Variants in SOS1 observed in about 807,000 individuals in gnomAD.
The protein encoded by SOS1 is son of sevenless homolog 1.
Under a neutral mutation model 157.6 loss-of-function variants are expected in SOS1, and 25 were observed. The observed-to-expected ratio is 0.16, with a 90% CI of 0.12 to 0.22. The LOEUF is 0.22. SOS1 is among the 10% of genes least tolerant of loss of function. The pLI, the probability that SOS1 is intolerant of heterozygous loss-of-function variation, is 1.00. For missense variants in SOS1, 1,237 were observed against 1,599.1 expected (o/e 0.77, Z 3.86); for synonymous variants, 528 against 534.0 (o/e 0.99, Z 0.16).
At chr2:38,989,235 G>T (rs780131132) in intron 21 of SOS1, 35 bp downstream of exon 21, 5 of 1,474,546 alleles carry the variant, frequency 3.4e-6, no homozygotes, top group Non-Finnish European at 4.7e-6. Context: ...TAAAGCCAAA[G>T]CAAGAATTAT....
chr2:39,068,249 C>G (rs1477569932), intron 1 of SOS1, among the ~76,000 whole-genome samples: 1 of 152,176 alleles, frequency 6.6e-6, no homozygotes, highest in East Asian at 1.9e-4. Flanking sequence ...TCCTGGAGAT[C>G]CAGTTTACCT....
At chr2:39,100,487 G>T (rs959322571) in intron 1 of SOS1, among the ~76,000 whole-genome samples, 3 of 152,162 alleles carry the variant, frequency 2.0e-5, no homozygotes, top group Non-Finnish European at 4.4e-5. Context: ...CTTAAAAAAT[G>T]AGATACTGCC....
chr2:39,046,872 C>G (rs1476848302), intron 6 of SOS1, among the ~76,000 whole-genome samples: 2 of 152,160 alleles, frequency 1.3e-5, no homozygotes, highest in African/African-American at 2.4e-5. Context: ...TTCCTTCTTG[C>G]TAAAGAACAC....
chr2:39,065,539 G>A (rs1392588789), intron 2 of SOS1, among the ~76,000 whole-genome samples: 1 of 152,082 alleles, frequency 6.6e-6, no homozygotes, highest in South Asian at 2.1e-4. Flanking sequence ...CTCTTTCTCT[G>A]ATCTCAATCT....
At chr2:38,989,693 GTTTAT>G (rs1239112141) in intron 20 of SOS1, among the ~76,000 whole-genome samples, 2 of 152,080 alleles carry the variant, frequency 1.3e-5, no homozygotes, top group South Asian at 2.1e-4. Context: ...CAAGTAATAA[GTTTAT>G]TTTATGTAAG....
At chr2:39,067,523 T>A in intron 2 of SOS1, 105 bp downstream of exon 2, 1 of 1,011,346 alleles carries the variant, frequency 9.9e-7, no homozygotes, top group Non-Finnish European at 1.6e-6. Context: ...TTCATTTTCT[T>A]ATATACCATA....
intron 1 of SOS1, among the ~76,000 whole-genome samples, chr2:39,069,852 A>ATT (rs1671738396): frequency 6.6e-6 from 1 of 152,220 alleles, no homozygotes; most frequent in African/African-American, 2.4e-5. Flanking sequence ...TTGGCCTAAA[A>ATT]CAAATTTTTT....
intron 1 of SOS1, among the ~76,000 whole-genome samples, chr2:39,095,020 G>C (rs1276890850): frequency 6.6e-6 from 1 of 152,094 alleles, no homozygotes; most frequent in East Asian, 1.9e-4. Context: ...GGTTAAAATG[G>C]GGGTGGTGTC....
At position 38,995,413 on chromosome 2, in the gene SOS1, A is replaced by G. The variant is rs907491670; in HGVS notation, c.3082-26T>C. On this transcript the variant is annotated intron_variant, in intron 19 of 22. Transcript: ENST00000402219. Reference sequence around the variant, plus strand: ...CTGTAGACATATCAAAAGAAACACAATACTTTAAACACTGTAGTAGAAAGG... The same window carrying G: ...CTGTAGACATATCAAAAGAAACACAGTACTTTAAACACTGTAGTAGAAAGG... 3.1e-6 allele frequency: 5 copies of G among 1,596,876 alleles called. No individual in the cohort carries two copies. The Admixed American group carries it at 8.3e-5, about 27-fold the overall frequency.
intron 2 of SOS1, among the ~76,000 whole-genome samples, chr2:39,065,771 T>G (rs1053664075): frequency 6.6e-6 from 1 of 152,230 alleles, no homozygotes; most frequent in South Asian, 2.1e-4. Flanking sequence ...AGTTGAATCA[T>G]TCATTCAACT....
chr2:39,031,657 G>A (rs992745694), intron 8 of SOS1, among the ~76,000 whole-genome samples: 14 of 152,138 alleles, frequency 9.2e-5, no homozygotes. Flanking sequence ...CCGCAAGGCA[G>A]AGTTTGCAGT....
chr2:38,999,614 C>T (rs1275339276), intron 17 of SOS1, among the ~76,000 whole-genome samples: 2 of 152,192 alleles, frequency 1.3e-5, no homozygotes, highest in Non-Finnish European at 2.9e-5. Flanking sequence ...ATTTTCACAT[C>T]TGCCTGTCAT....
intron 1 of SOS1, among the ~76,000 whole-genome samples, chr2:39,112,151 CCTCT>C (rs1673463230): frequency 6.6e-6 from 1 of 151,986 alleles, no homozygotes; most frequent in African/African-American, 2.4e-5. Flanking sequence ...ACCCTTACTT[CCTCT>C]CTATCACTTG....
rs545554189 is a variant in SOS1 at position 39,086,227 on chromosome 2, A to T, written c.88-18474T>A. On this transcript the variant is annotated intron_variant, in intron 1 of 22. Transcript: ENST00000402219. Reference sequence around the variant, plus strand: ...TGAAGGGTGAGCAGAATTTAGGTGAAAAGTATATTGGTGAAGTGAGAGGGA... The same window carrying T: ...TGAAGGGTGAGCAGAATTTAGGTGATAAGTATATTGGTGAAGTGAGAGGGA... 2.6e-5 allele frequency among the ~76,000 whole-genome samples: 4 copies of T among 152,330 alleles called. No individual in the cohort carries two copies. The East Asian group carries it at 5.8e-4, about 22-fold the overall frequency.
chr2:39,044,851 T>TGC (rs774095006), intron 6 of SOS1, among the ~76,000 whole-genome samples: 146 of 146,176 alleles, frequency 1.0e-3, no homozygotes, highest in African/African-American at 2.8e-3. Context: ...TACACACACA[T>TGC]GCGCGCGCGC....
At chr2:39,070,968 T>G (rs1276831647) in intron 1 of SOS1, among the ~76,000 whole-genome samples, 1 of 152,204 alleles carries the variant, frequency 6.6e-6, no homozygotes, top group African/African-American at 2.4e-5. Context: ...GTTCAAGCAA[T>G]TCTCCTGCCT....
At chr2:39,103,136 A>G (rs1673036968) in intron 1 of SOS1, among the ~76,000 whole-genome samples, 1 of 152,310 alleles carries the variant, frequency 6.6e-6, no homozygotes, top group South Asian at 2.1e-4. Flanking sequence ...GAAAACTACA[A>G]TACGCTGCTG....
At chr2:39,065,248 G>A (rs1200653794) in intron 2 of SOS1, among the ~76,000 whole-genome samples, 1 of 152,134 alleles carries the variant, frequency 6.6e-6, no homozygotes, top group South Asian at 2.1e-4. Context: ...ATAAAAGAAT[G>A]TAAGACACCA....
At position 39,022,769 on chromosome 2, in the gene SOS1, C is replaced by G; in HGVS notation, c.1659G>C (p.Met553Ile). The change falls in exon 10 of 23, where the codon ATG becomes ATC. Residue 553 changes from methionine to isoleucine, a missense_variant. Physicochemically the swap from Met to Ile is conservative, Grantham distance 10 (BLOSUM62 1). Coordinates refer to ENST00000402219, the MANE Select transcript of SOS1 (RefSeq NM_005633.4). Reference sequence around the variant, plus strand: ...CTTCCTGTAGCATTGTTACATCAAGCATCCTTTCCAGTGTACTCCGGTACT... The same window carrying G: ...CTTCCTGTAGCATTGTTACATCAAGGATCCTTTCCAGTGTACTCCGGTACT... Reference protein sequence around the residue: ...SLQYRSTLERMLDVTMLQEEK... With the variant: ...SLQYRSTLERILDVTMLQEEK... The G allele has an allele frequency of 6.2e-7, 1 of 1,613,680 alleles. No individual in the cohort carries two copies.
Sources: allele counts gnomAD v4.1 joint callset (sites outside exome capture counted in the v4.1 genomes callset), GRCh38; gene constraint gnomAD v4.1.1; transcripts MANE v1.5; gene names NCBI Gene and HGNC (gene_info 2026-07-23, HGNC 2026-07-21).